FAT3: variants seen among roughly 807,000 people sequenced by gnomAD.
FAT3 encodes the protein protocadherin Fat 3.
A neutral mutation model predicts 310.2 loss-of-function variants in FAT3; 95 were observed. The observed-to-expected ratio is 0.31, with a 90% CI of 0.26 to 0.36. The LOEUF (loss-of-function observed/expected upper bound fraction) is 0.36, where lower values mean the gene tolerates loss of function less well. FAT3 is among the 10% of genes least tolerant of loss of function. The probability of loss-of-function intolerance (pLI) is 1.00; values close to 1 mark genes in which losing one functional copy is unlikely to be tolerated. For synonymous variants in FAT3, 2,314 were observed against 2,192.9 expected (o/e 1.06, Z -1.54); for missense variants, 5,408 against 5,715.6 (o/e 0.95, Z 1.74).
chr11:92,489,362 C>T (rs1220201125), intron 2 of FAT3, among the ~76,000 whole-genome samples: 2 of 152,100 alleles, frequency 1.3e-5, no homozygotes, highest in African/African-American at 4.8e-5. Context: ...GATCATTATG[C>T]ATTTTTTCCA....
chr11:92,697,346 C>T (rs2135906410), intron 3 of FAT3, 38 bp from the exon 4 acceptor site: 1 of 1,597,644 alleles, frequency 6.3e-7, no homozygotes, highest in Non-Finnish European at 8.6e-7. Flanking sequence ...CTGTTTGCCC[C>T]AGATATTTAA....
intron 1 of FAT3, among the ~76,000 whole-genome samples, chr11:92,246,560 GAGA>G (rs1864918686): frequency 6.6e-6 from 1 of 152,106 alleles, no homozygotes; most frequent in Non-Finnish European, 1.5e-5. Flanking sequence ...GGGGGAGGAG[GAGA>G]AGAAGGAAGA....
At chr11:92,595,112 C>T (rs1939639289) in intron 3 of FAT3, among the ~76,000 whole-genome samples, 1 of 151,988 alleles carries the variant, frequency 6.6e-6, no homozygotes, top group Non-Finnish European at 1.5e-5. Context: ...TTCACTACCT[C>T]CTTTTCCTTT....
intron 13 of FAT3, among the ~76,000 whole-genome samples, chr11:92,823,055 A>C (rs777214527): frequency 1.2e-4 from 19 of 152,124 alleles, no homozygotes; most frequent in Admixed American, 2.0e-4. Flanking sequence ...AACTCTATAC[A>C]TGCTTGTCTC....
intron 3 of FAT3, among the ~76,000 whole-genome samples, chr11:92,581,457 T>A (rs1938794727): frequency 6.6e-6 from 1 of 152,082 alleles, no homozygotes; most frequent in African/African-American, 2.4e-5. Flanking sequence ...CTCATTTTTT[T>A]TGTAACAGTT....
At chr11:92,473,862 A>G (rs1275884574) in intron 2 of FAT3, among the ~76,000 whole-genome samples, 1 of 151,798 alleles carries the variant, frequency 6.6e-6, no homozygotes, top group Non-Finnish European at 1.5e-5. Context: ...TGATTTTGGC[A>G]CTTCATGGGC....
At chr11:92,468,384 T>C (rs959528554) in intron 2 of FAT3, among the ~76,000 whole-genome samples, 3 of 152,212 alleles carry the variant, frequency 2.0e-5, no homozygotes, top group Admixed American at 1.3e-4. Context: ...TTAATAAACT[T>C]GATGGAAGAA....
Position 92,840,778 on chromosome 11 carries a change from T to C in FAT3, c.10566+19T>C, listed in dbSNP as rs768636617. 7 of 1,524,220 alleles carry C rather than the reference T, an allele frequency of 4.6e-6. No homozygotes were observed. In the South Asian group the frequency reaches 9.1e-5, roughly 20 times the overall value. 94.4% of individuals were successfully genotyped at this position (1,524,220 alleles called of 1,614,324 possible). ...TGTCCAGGTATGGCATCGCACTCTG[T>C]CTCCGTCGTGCTGTCTTTCTTTCTC... is the stretch of plus-strand genomic sequence containing the variant. On this transcript the variant is annotated intron_variant, in intron 18 of 27. Coordinates refer to ENST00000525166, the MANE Select transcript of FAT3 (RefSeq NM_001367949.2).
rs1949998505 is a variant in FAT3, at chr11:92,894,961, C to G, written c.*3848C>G. 1 of 152,186 alleles carries G rather than the reference C, an allele frequency of 6.6e-6. No individual in the cohort carries two copies. Among genetic ancestry groups the G allele is most frequent in the Non-Finnish European group, 1.5e-5 (1 of 68,028 alleles). The allele number at this position is 152,186 out of a possible 1,614,324, so 9.4% of individuals were successfully genotyped here. On this transcript the variant is annotated 3_prime_UTR_variant, in exon 28 of 28. Transcript: ENST00000525166. ...ACCCTATCCACTACCCCCACTGATG[C>G]TATGTTTGCATCATCAAAGTCAGGG...
chr11:92,832,159 T>G (rs1008433398), intron 14 of FAT3, 148 bp downstream of exon 14: 20 of 923,592 alleles, frequency 2.2e-5, no homozygotes, highest in Middle Eastern at 2.7e-4. Context: ...AGTGAGACCC[T>G]GTCTCTACAA....
At chr11:92,380,877 TCA>T (rs1230351472) in intron 2 of FAT3, among the ~76,000 whole-genome samples, 2 of 152,336 alleles carry the variant, frequency 1.3e-5, no homozygotes, top group African/African-American at 2.4e-5. Context: ...AAGGTCAAAC[TCA>T]CATAGTATAA....
intron 1 of FAT3, among the ~76,000 whole-genome samples, chr11:92,325,055 G>A (rs1435725161): frequency 6.6e-6 from 1 of 152,184 alleles, no homozygotes; most frequent in Non-Finnish European, 1.5e-5. Context: ...TCAAGTCTCT[G>A]GGGAGATATC....
At chr11:92,718,362 A>T (rs1273072460) in intron 4 of FAT3, among the ~76,000 whole-genome samples, 2 of 152,104 alleles carry the variant, frequency 1.3e-5, no homozygotes, top group Non-Finnish European at 2.9e-5. Context: ...GCTTGGGGTT[A>T]TATGGTGGGT....
chr11:92,353,364 G>C lies in FAT3; in HGVS notation c.1252G>C (p.Val418Leu), dbSNP rs772238145. 1 of 1,613,460 alleles carries C rather than the reference G, an allele frequency of 6.2e-7. No homozygotes were observed. Among genetic ancestry groups the C allele is most frequent in the South Asian group, 1.1e-5 (1 of 91,006 alleles). Residue 418 changes from valine to leucine, a missense_variant, in exon 2 of 28, where the codon GTG becomes CTG. Val to Leu is a conservative substitution (Grantham distance 32, BLOSUM62 1). Coordinates refer to ENST00000525166, the MANE Select transcript of FAT3 (RefSeq NM_001367949.2). ...CAAATTATCTCCTGGTGAGGATGCA[G>C]TGTACTTTAAAATTAATCCTCGGTC... ...EYKLSPGEDA[V>L]YFKINPRSGL...
chr11:92,480,953 T>C (rs1332564261), intron 2 of FAT3, among the ~76,000 whole-genome samples: 1 of 152,234 alleles, frequency 6.6e-6, no homozygotes, highest in African/African-American at 2.4e-5. Context: ...ACTAATGTTA[T>C]GTCCAGCCCC....
chr11:92,560,912 C>A (rs1037237554), intron 3 of FAT3, among the ~76,000 whole-genome samples: 1 of 152,130 alleles, frequency 6.6e-6, no homozygotes, highest in Non-Finnish European at 1.5e-5. Flanking sequence ...AAAAGTATTT[C>A]TGCAGAAATA....
chr11:92,879,292 G>A (rs1471746627), intron 22 of FAT3, among the ~76,000 whole-genome samples: 1 of 152,062 alleles, frequency 6.6e-6, no homozygotes, highest in Non-Finnish European at 1.5e-5. Context: ...CAAGAAATAG[G>A]CAGACAGGTG....
chr11:92,600,929 T>C (rs1315496690), intron 3 of FAT3, among the ~76,000 whole-genome samples: 1 of 151,998 alleles, frequency 6.6e-6, no homozygotes, highest in African/African-American at 2.4e-5. Context: ...CTGGGAAGAA[T>C]GGAGGAACAG....
chr11:92,625,715 G>A (rs973202461), intron 3 of FAT3, among the ~76,000 whole-genome samples: 24 of 150,160 alleles, frequency 1.6e-4, no homozygotes, highest in African/African-American at 5.9e-4. Context: ...CCCCAAATCA[G>A]GAAACCAAGT....
Sources: gnomAD v4.1 joint callset for allele counts (sites outside exome capture counted in the v4.1 genomes callset) on GRCh38, gnomAD v4.1.1 for gene constraint, MANE v1.5 for transcripts, NCBI Gene and HGNC (gene_info 2026-07-23, HGNC 2026-07-21) for gene names.